FBXO10: variants seen among roughly 807,000 people sequenced by gnomAD.
FBXO10 encodes the protein F-box only protein 10.
Under a neutral mutation model 80.7 loss-of-function variants are expected in FBXO10, and 39 were observed. The observed-to-expected ratio is 0.48, with a 90% CI of 0.37 to 0.63. The LOEUF (loss-of-function observed/expected upper bound fraction) is 0.63. FBXO10 is among the 30% of genes least tolerant of loss of function. The probability of loss-of-function intolerance (pLI) is 0.00; values close to 1 mark genes in which losing one functional copy is unlikely to be tolerated. For missense variants in FBXO10, 1,025 were observed against 1,269.0 expected (o/e 0.81, Z 2.92); for synonymous variants, 449 against 489.6 (o/e 0.92, Z 1.09).
chr9:37,541,359 A>G lies in FBXO10; in HGVS notation c.410T>C (p.Phe137Ser). 6.2e-7 allele frequency: 1 copy of G among 1,614,000 alleles called. No individual in the cohort carries two copies. The highest frequency in any genetic ancestry group is 8.5e-7 in the Non-Finnish European group (1 of 1,179,880). ...MASLYDRIVL[F>S]PGVYEEQGEI... The stretch of plus-strand genomic sequence containing the variant: ...ACCTTGCTCTTCGTACACACCTGGG[A>G]AGAGCACAATTCGGTCATACAGGCT... Residue 137 changes from phenylalanine (F) to serine (S), a missense_variant, in exon 2 of 11, where the codon TTC becomes TCC. Physicochemically the swap from Phe to Ser is radical, Grantham distance 155. This residue lies in a region of FBXO10 where 450 missense variants were observed against 499.4 expected (regional missense o/e 0.90). Coordinates refer to ENST00000432825, the MANE Select transcript of FBXO10 (RefSeq NM_012166.3).
intron 1 of FBXO10, among the ~76,000 whole-genome samples, chr9:37,574,897 A>G (rs551214936): frequency 1.1e-4 from 16 of 152,324 alleles, no homozygotes; most frequent in African/African-American, 3.8e-4. Flanking sequence ...AAGACAGAGT[A>G]GGGGTTCCAT....
intron 3 of FBXO10, among the ~76,000 whole-genome samples, chr9:37,532,294 C>CTTTTTTTTT (rs869146793): frequency 2.0e-5 from 2 of 102,414 alleles, no homozygotes; most frequent in Non-Finnish European, 3.9e-5. Context: ...CACATTGGTT[C>CTTTTTTTTT]TTTTTTTTTT....
At chr9:37,572,982 G>C (rs1251232052) in intron 1 of FBXO10, among the ~76,000 whole-genome samples, 1 of 152,154 alleles carries the variant, frequency 6.6e-6, no homozygotes, top group Non-Finnish European at 1.5e-5. Flanking sequence ...AAATTTTCCA[G>C]AATGCCTAAA....
chr9:37,572,514 G>A (rs980767472), intron 1 of FBXO10, among the ~76,000 whole-genome samples: 6 of 152,202 alleles, frequency 3.9e-5, no homozygotes, highest in Non-Finnish European at 5.9e-5. Flanking sequence ...AGGCCGCCAC[G>A]TGGATGCATC....
Position 37,562,233 on chromosome 9 carries a change from G to A in FBXO10, c.-7+13978C>T, listed in dbSNP as rs368654417. On this transcript the variant is annotated intron_variant, in intron 1 of 10. Coordinates refer to ENST00000432825, the MANE Select transcript of FBXO10 (RefSeq NM_012166.3). ...ATCCCTCAGGGATCTGCACTTGGGA[G>A]CTGTGTGGTGGGAGGAAGTGGCAAC... 9.2e-5 allele frequency among the ~76,000 whole-genome samples: 14 copies of A among 152,358 alleles called. No individual in the cohort carries two copies. In the East Asian group the frequency reaches 2.5e-3, roughly 27 times the overall value.
At chr9:37,559,739 A>G (rs1265634645) in intron 1 of FBXO10, among the ~76,000 whole-genome samples, 2 of 152,182 alleles carry the variant, frequency 1.3e-5, no homozygotes, top group Non-Finnish European at 2.9e-5. Flanking sequence ...GATCATCCAC[A>G]GCTTGCTTTT....
At chr9:37,565,930 G>C (rs1822592629) in intron 1 of FBXO10, among the ~76,000 whole-genome samples, 1 of 152,218 alleles carries the variant, frequency 6.6e-6, no homozygotes, top group Non-Finnish European at 1.5e-5. Flanking sequence ...GCTGGGCTTA[G>C]GACATGTTGG....
At chr9:37,554,513 C>T (rs1256485724) in intron 1 of FBXO10, among the ~76,000 whole-genome samples, 1 of 152,140 alleles carries the variant, frequency 6.6e-6, no homozygotes, top group Non-Finnish European at 1.5e-5. Context: ...AACCCCCTAC[C>T]AAGAAATGGA....
intron 1 of FBXO10, among the ~76,000 whole-genome samples, chr9:37,575,006 T>C (rs918215282): frequency 6.6e-6 from 1 of 152,210 alleles, no homozygotes. Context: ...CAGCACTCTG[T>C]TGGGTCCTGA....
At chr9:37,555,182 C>T (rs1218707021) in intron 1 of FBXO10, among the ~76,000 whole-genome samples, 1 of 152,138 alleles carries the variant, frequency 6.6e-6, no homozygotes, top group Non-Finnish European at 1.5e-5. Context: ...TCCCAAAGTG[C>T]TGGGACTATA....
intron 1 of FBXO10, among the ~76,000 whole-genome samples, chr9:37,557,277 T>G (rs927002078): frequency 2.0e-5 from 3 of 152,064 alleles, no homozygotes; most frequent in Non-Finnish European, 4.4e-5. Context: ...AACTCTCACG[T>G]AACTCACTCT....
intron 1 of FBXO10, among the ~76,000 whole-genome samples, chr9:37,545,906 G>A (rs544367387): frequency 6.6e-6 from 1 of 152,284 alleles, no homozygotes; most frequent in South Asian, 2.1e-4. Flanking sequence ...CAGCACTTTG[G>A]GAGGCGGAGG....
chr9:37,538,708 C>CAAAAA (rs34975108), intron 2 of FBXO10, among the ~76,000 whole-genome samples: 2 of 69,628 alleles, frequency 2.9e-5, no homozygotes, highest in African/African-American at 7.9e-5. Context: ...ACTCGGTGTC[C>CAAAAA]AAAAAAAAAA....
chr9:37,552,621 G>A (rs1454030735), intron 1 of FBXO10, among the ~76,000 whole-genome samples: 2 of 150,432 alleles, frequency 1.3e-5, no homozygotes, highest in African/African-American at 4.9e-5. Context: ...GAACCCAGGA[G>A]GCAGAGCTGG....
intron 7 of FBXO10, chr9:37,522,360 C>T (rs1195415526): frequency 2.0e-6 from 2 of 1,000,482 alleles, no homozygotes; most frequent in East Asian, 2.1e-4. Context: ...CCTGAGTCAT[C>T]TTTATTATTA....
At position 37,532,031 on chromosome 9, in the gene FBXO10, G is replaced by A. The variant is rs768218161; in HGVS notation, c.1447C>T (p.Arg483Cys). 15 of 1,613,588 alleles carry A rather than the reference G, an allele frequency of 9.3e-6. No homozygotes were observed. Among genetic ancestry groups the A allele is most frequent in the African/African-American group, 4.0e-5 (3 of 74,932 alleles). The change falls in exon 4 of 11, where the codon CGC becomes TGC. Residue 483 changes from arginine (R) to cysteine (C), a missense_variant. Coordinates refer to ENST00000432825, the MANE Select transcript of FBXO10 (RefSeq NM_012166.3). ...AGAAAGATGCCTGACGCTCGGCAGCGGTAAATGTCGTTCCTGAGCATGATG... is the reference window on the plus strand; with the variant it reads ...AGAAAGATGCCTGACGCTCGGCAGCAGTAAATGTCGTTCCTGAGCATGATG... ...KIIMLRNDIY[R>C]CRASGIFLRL...
rs755624303 is a variant in FBXO10, at chr9:37,521,709, C to T, written c.2060G>A (p.Arg687Gln). Reference sequence around the variant, plus strand: ...GAAGTTCTCTTGAGCCCTGTGGCCTCGAGGTAACTCGCTGGAGCCATCCTT... The same window carrying T: ...GAAGTTCTCTTGAGCCCTGTGGCCTTGAGGTAACTCGCTGGAGCCATCCTT... Reference protein sequence around the residue: ...SQKDGSSELPRGHRAQENFSE... With the variant: ...SQKDGSSELPQGHRAQENFSE... Residue 687 changes from arginine to glutamine, a missense_variant, in exon 8 of 11, where the codon CGA (arginine) becomes CAA (glutamine). Arg to Gln is a conservative substitution (Grantham distance 43). This residue lies in a region of FBXO10 where 478 missense variants were observed against 667.8 expected (regional missense o/e 0.72). Transcript: ENST00000432825. 149 of 1,613,824 alleles carry T rather than the reference C, an allele frequency of 9.2e-5. No individual in the cohort carries two copies. The highest frequency in any genetic ancestry group is 1.2e-4 in the Non-Finnish European group (143 of 1,179,894).
intron 8 of FBXO10, among the ~76,000 whole-genome samples, chr9:37,521,218 C>T (rs1008783735): frequency 6.6e-6 from 1 of 152,212 alleles, no homozygotes; most frequent in African/African-American, 2.4e-5. Flanking sequence ...CCCTGCCTGG[C>T]GGCCGCACCG....
At chr9:37,529,393 C>G (rs1011334904) in intron 4 of FBXO10, 133 bp from the exon 5 acceptor site, 1 of 974,414 alleles carries the variant, frequency 1.0e-6, no homozygotes. Context: ...GAGCCCTAGC[C>G]CGTGACAAAG....
Sources: allele counts gnomAD v4.1 joint callset (sites outside exome capture counted in the v4.1 genomes callset), GRCh38; gene constraint gnomAD v4.1.1; regional missense constraint gnomAD v4.1.1; transcripts MANE v1.5; gene names NCBI Gene and HGNC (gene_info 2026-07-23, HGNC 2026-07-21).